Variants in MSRA observed in about 807,000 individuals in gnomAD.
MSRA encodes methionine sulfoxide reductase A.
Under a neutral mutation model 31.3 loss-of-function variants are expected in MSRA, and 54 were observed. The ratio of observed to expected loss-of-function variants is 1.73; its 90% CI spans 1.39 to 2.17. MSRA has a LOEUF of 2.17. Among genes scored for constraint, MSRA ranks in the 30% most tolerant of loss-of-function variants. The pLI is 0.00. For synonymous variants in MSRA, 169 were observed against 116.5 expected (o/e 1.45, Z -2.90); for missense variants, 507 against 300.9 (o/e 1.69, Z -5.07).
intron 5 of MSRA, among the ~76,000 whole-genome samples, chr8:10,427,443 G>T (rs547332274): frequency 2.6e-5 from 4 of 152,148 alleles, no homozygotes; most frequent in Non-Finnish European, 5.9e-5. Context: ...AAACTAGGAC[G>T]CAGAGGGTGG....
chr8:10,402,370 C>T (rs1237044263), intron 5 of MSRA, among the ~76,000 whole-genome samples: 3 of 152,250 alleles, frequency 2.0e-5, no homozygotes, highest in African/African-American at 7.2e-5. Context: ...TGCTGAACGC[C>T]AAATGTGGTT....
intron 5 of MSRA, among the ~76,000 whole-genome samples, chr8:10,406,018 C>G (rs1480787523): frequency 6.6e-6 from 1 of 152,246 alleles, no homozygotes; most frequent in Admixed American, 6.5e-5. Context: ...CAGGGTAGGG[C>G]TGCCTGCAGT....
At position 10,119,072 on chromosome 8, in the gene MSRA, C is replaced by A. The variant is rs141317808; in HGVS notation, c.142+64414C>A. Reference sequence around the variant, plus strand: ...GGAATCCCCTGTGAGCAGGATGGATCTAGGGTATGTCTTTTAGCCTTCTGT... The same window carrying A: ...GGAATCCCCTGTGAGCAGGATGGATATAGGGTATGTCTTTTAGCCTTCTGT... On this transcript the variant is annotated intron_variant, in intron 1 of 5. Transcript: ENST00000317173. Among the ~76,000 whole-genome samples, 111 of 152,264 alleles carry A rather than the reference C, an allele frequency of 7.3e-4. 1 individual carries two copies. The East Asian group carries it at 0.019, about 26-fold the overall frequency.
intron 5 of MSRA, among the ~76,000 whole-genome samples, chr8:10,372,507 T>C (rs1205900340): frequency 6.6e-6 from 1 of 152,220 alleles, no homozygotes; most frequent in Non-Finnish European, 1.5e-5. Context: ...TCTAGATAAA[T>C]AAATGAAATC....
rs149288379 is a variant in MSRA at position 10,194,877 on chromosome 8, C to T, written c.143-12956C>T. ...GGCTTCCAGGTGTTCACTGGGGGAG[C>T]AAAGACTGGAGATGTTTAAAATATT... On this transcript the variant is annotated intron_variant, in intron 1 of 5. Transcript: ENST00000317173. Among the ~76,000 whole-genome samples the T allele has an allele frequency of 2.2e-4, 34 of 152,316 alleles. 1 individual carries two copies. In the East Asian group the frequency reaches 6.4e-3, roughly 29 times the overall value.
At chr8:10,339,984 A>G (rs946432989) in intron 5 of MSRA, among the ~76,000 whole-genome samples, 2 of 152,176 alleles carry the variant, frequency 1.3e-5, no homozygotes, top group Admixed American at 6.5e-5. Flanking sequence ...TGGATCCCCA[A>G]GGCAGCTGCC....
intron 1 of MSRA, among the ~76,000 whole-genome samples, chr8:10,107,489 G>A (rs1024407404): frequency 5.3e-5 from 8 of 152,104 alleles, no homozygotes; most frequent in South Asian, 2.1e-4. Context: ...TATTCTGTGC[G>A]TCTCTGACTC....
At chr8:10,362,313 T>G (rs940383004) in intron 5 of MSRA, among the ~76,000 whole-genome samples, 1 of 152,008 alleles carries the variant, frequency 6.6e-6, no homozygotes, top group African/African-American at 2.4e-5. Flanking sequence ...CAAAGAGAAA[T>G]ATTTTGTGAT....
At chr8:10,150,392 A>G (rs898646230) in intron 1 of MSRA, among the ~76,000 whole-genome samples, 4 of 152,182 alleles carry the variant, frequency 2.6e-5, no homozygotes, top group African/African-American at 9.7e-5. Flanking sequence ...ATTGTTTACT[A>G]TTGCTGCATT....
At chr8:10,274,175 C>G (rs1799196792) in intron 3 of MSRA, among the ~76,000 whole-genome samples, 1 of 152,196 alleles carries the variant, frequency 6.6e-6, no homozygotes, top group African/African-American at 2.4e-5. Flanking sequence ...GAGTTAATAA[C>G]TGGAACTCCT....
intron 2 of MSRA, among the ~76,000 whole-genome samples, chr8:10,240,860 CTT>C (rs1327896437): frequency 1.3e-5 from 2 of 152,102 alleles, no homozygotes; most frequent in Admixed American, 1.3e-4. Context: ...CCAAATCGGC[CTT>C]TCTCTCTGCC....
intron 3 of MSRA, among the ~76,000 whole-genome samples, chr8:10,255,763 C>T (rs6995687): frequency 0.11 from 16,132 of 147,524 alleles, 964 homozygotes; most frequent in East Asian, 0.2. Flanking sequence ...TGGAGTGGGG[C>T]GGTGGGCAGT....
intron 5 of MSRA, among the ~76,000 whole-genome samples, chr8:10,335,250 GTTTTTTTT>G (rs1170264568): frequency 1.3e-5 from 1 of 79,884 alleles, no homozygotes; most frequent in Non-Finnish European, 2.2e-5. Flanking sequence ...TCCCAGCTCT[GTTTTTTTT>G]TTTTTTTTTT....
chr8:10,328,728 G>C (rs1419287989), intron 5 of MSRA, among the ~76,000 whole-genome samples: 1 of 152,156 alleles, frequency 6.6e-6, no homozygotes, highest in Non-Finnish European at 1.5e-5. Flanking sequence ...CTAAGATGTA[G>C]CCTATAATTC....
intron 1 of MSRA, among the ~76,000 whole-genome samples, chr8:10,163,512 C>A (rs1033034712): frequency 1.3e-5 from 2 of 152,224 alleles, no homozygotes; most frequent in African/African-American, 2.4e-5. Flanking sequence ...TTCTGCCCTT[C>A]ACCTTGGGAG....
chr8:10,071,623 C>T (rs1044867051), intron 1 of MSRA, among the ~76,000 whole-genome samples: 2 of 151,606 alleles, frequency 1.3e-5, no homozygotes, highest in African/African-American at 4.8e-5. Context: ...TTTTGTTTTC[C>T]TTAAAGTTCT....
chr8:10,321,372 A>G (rs557503133), intron 5 of MSRA, among the ~76,000 whole-genome samples: 1 of 152,212 alleles, frequency 6.6e-6, no homozygotes, highest in East Asian at 1.9e-4. Flanking sequence ...TAGAGTGTCC[A>G]CTGGTGAGCA....
chr8:10,301,516 C>A lies in MSRA; in HGVS notation c.332-18C>A, dbSNP rs371830626. On this transcript the variant is annotated intron_variant, in intron 3 of 5. Transcript: ENST00000317173. ...ATGTTGTCAGTAAATTTCGGTTGTACGTTTTGTTTTTTCCAAGAAAAAACT... is the reference window on the plus strand; with the variant it reads ...ATGTTGTCAGTAAATTTCGGTTGTAAGTTTTGTTTTTTCCAAGAAAAAACT... 5 of 1,593,400 alleles carry A rather than the reference C, an allele frequency of 3.1e-6. No individual in the cohort carries two copies. Among genetic ancestry groups the A allele is most frequent in the Middle Eastern group, 1.7e-4 (1 of 5,972 alleles).
At chr8:10,275,421 T>C (rs1404534098) in intron 3 of MSRA, among the ~76,000 whole-genome samples, 2 of 152,268 alleles carry the variant, frequency 1.3e-5, no homozygotes, top group African/African-American at 2.4e-5. Context: ...ATTTTGTAGA[T>C]GCATCTTCTT....
Sources: gnomAD v4.1 joint callset for allele counts (sites outside exome capture counted in the v4.1 genomes callset) on GRCh38, gnomAD v4.1.1 for gene constraint, MANE v1.5 for transcripts, NCBI Gene and HGNC (gene_info 2026-07-23, HGNC 2026-07-21) for gene names.